GUCY1A2: variants seen among roughly 807,000 people sequenced by gnomAD.
The protein encoded by GUCY1A2 is guanylate cyclase soluble subunit alpha-2.
Under a neutral mutation model 63.5 loss-of-function variants are expected in GUCY1A2, and 27 were observed. The observed-to-expected ratio is 0.43, with a 90% CI of 0.31 to 0.59. GUCY1A2 has a LOEUF of 0.59. Among genes scored for constraint, GUCY1A2 ranks in the 20% least tolerant of loss-of-function variants. The pLI is 0.11. For missense variants in GUCY1A2, 768 were observed against 913.3 expected (o/e 0.84, Z 2.05); for synonymous variants, 364 against 343.5 (o/e 1.06, Z -0.66).
chr11:106,944,666 TTA>T (rs750724954), intron 3 of GUCY1A2, among the ~76,000 whole-genome samples: 12 of 152,186 alleles, frequency 7.9e-5, no homozygotes, highest in Non-Finnish European at 1.0e-4. Context: ...ATCTGTGAAT[TTA>T]TGTTTTAAAA....
At position 106,828,530 on chromosome 11, in the gene GUCY1A2, A is replaced by AT. The variant is rs542541374; in HGVS notation, c.1207-18053dup. On this transcript the variant is annotated intron_variant, in intron 4 of 7. Coordinates refer to ENST00000526355, the MANE Select transcript of GUCY1A2 (RefSeq NM_000855.3). ...TGCAGGTATGTGGCCTTATTTCAGA[A>AT]TTTTTTTATTTTAACAACACCTACA... Among the ~76,000 whole-genome samples the AT allele has an allele frequency of 4.1e-4, 62 of 152,168 alleles. 1 individual carries two copies. Among genetic ancestry groups the AT allele is most frequent in the Admixed American group, 3.5e-3 (53 of 15,292 alleles).
In GUCY1A2 at chr11:106,852,580, G is replaced by C. The variant is rs952303033; in HGVS notation, c.1207-42102C>G. 5.3e-5 allele frequency among the ~76,000 whole-genome samples: 8 copies of C among 152,042 alleles called. No homozygotes were observed. The East Asian group carries it at 1.3e-3, about 26-fold the overall frequency. On this transcript the variant is annotated intron_variant, in intron 4 of 7. Transcript: ENST00000526355. The stretch of plus-strand genomic sequence containing the variant: ...CTAGTAAAATGAACATTTGGCTTTT[G>C]TCCTTCATTCTATTGATGTAACATA...
Position 106,831,064 on chromosome 11 carries a change from G to A in GUCY1A2, c.1207-20586C>T, listed in dbSNP as rs78494748. 6.5e-3 allele frequency among the ~76,000 whole-genome samples: 994 copies of A among 152,160 alleles called. 11 individuals are homozygous for A. Among genetic ancestry groups the A allele is most frequent in the African/African-American group, 0.023 (966 of 41,522 alleles). On this transcript the variant is annotated intron_variant, in intron 4 of 7. Transcript: ENST00000526355. Reference sequence around the variant, plus strand: ...TAAAGCTTATATAGCTATAAGCATGGAATGCAGATTAAAAATACACCCTTA... The same window carrying A: ...TAAAGCTTATATAGCTATAAGCATGAAATGCAGATTAAAAATACACCCTTA...
Position 106,991,278 on chromosome 11 carries a change from G to A in GUCY1A2, c.304-5147C>T, listed in dbSNP as rs187487981. Among the ~76,000 whole-genome samples the A allele has an allele frequency of 7.2e-5, 11 of 152,194 alleles. No individual in the cohort carries two copies. The East Asian group carries it at 1.7e-3, about 24-fold the overall frequency. On this transcript the variant is annotated intron_variant, in intron 1 of 7. Coordinates refer to ENST00000526355, the MANE Select transcript of GUCY1A2 (RefSeq NM_000855.3). The stretch of plus-strand genomic sequence containing the variant: ...TTCTCAATGCGCTGGGATTACAGGC[G>A]TGAGCCACTGTGCCTGGCCATTATT...
At chr11:106,896,999 C>A (rs1860059551) in intron 4 of GUCY1A2, among the ~76,000 whole-genome samples, 1 of 152,046 alleles carries the variant, frequency 6.6e-6, no homozygotes, top group Non-Finnish European at 1.5e-5. Context: ...ATGATTATAG[C>A]AAAATTTCAG....
At chr11:106,746,173 C>CT (rs1336106198) in intron 6 of GUCY1A2, among the ~76,000 whole-genome samples, 7 of 151,684 alleles carry the variant, frequency 4.6e-5, no homozygotes, top group Non-Finnish European at 1.5e-5. Context: ...GCCTGGAGAG[C>CT]AGTAGCTCAT....
At chr11:106,718,540 C>G (rs1184677361) in intron 6 of GUCY1A2, among the ~76,000 whole-genome samples, 1 of 151,904 alleles carries the variant, frequency 6.6e-6, no homozygotes, top group East Asian at 1.9e-4. Flanking sequence ...TATTTAATAC[C>G]TGATAAGATA....
At chr11:106,762,607 A>G (rs1864085291) in intron 6 of GUCY1A2, among the ~76,000 whole-genome samples, 1 of 152,124 alleles carries the variant, frequency 6.6e-6, no homozygotes, top group Non-Finnish European at 1.5e-5. Context: ...TATTAAGTCA[A>G]TTTAATTCCT....
In GUCY1A2 at chr11:106,800,300, C is replaced by T. The variant is rs1333722867; in HGVS notation, c.1692+9693G>A. Among the ~76,000 whole-genome samples, 4 of 152,246 alleles carry T rather than the reference C, an allele frequency of 2.6e-5. No homozygotes were observed. In the East Asian group the frequency reaches 5.8e-4, roughly 22 times the overall value. On this transcript the variant is annotated intron_variant, in intron 5 of 7. Transcript: ENST00000526355. The stretch of plus-strand genomic sequence containing the variant: ...TTTACACTGTTGGTGGGACTGTAAA[C>T]TAGTTCAACCATCGTGGAAGACAGT...
chr11:106,745,098 G>A (rs1251973254), intron 6 of GUCY1A2, among the ~76,000 whole-genome samples: 1 of 152,068 alleles, frequency 6.6e-6, no homozygotes. Flanking sequence ...AGTTAACAAA[G>A]TACAGAAAAA....
chr11:106,716,550 G>A (rs1199028318), intron 6 of GUCY1A2, among the ~76,000 whole-genome samples: 1 of 151,860 alleles, frequency 6.6e-6, no homozygotes, highest in Non-Finnish European at 1.5e-5. Flanking sequence ...TGGGACTGAC[G>A]CCACCCCCAG....
intron 6 of GUCY1A2, among the ~76,000 whole-genome samples, chr11:106,747,558 A>C (rs998570972): frequency 2.6e-5 from 4 of 152,248 alleles, no homozygotes; most frequent in African/African-American, 9.6e-5. Flanking sequence ...TCAGTTGTAG[A>C]ACACATCCAG....
intron 1 of GUCY1A2, among the ~76,000 whole-genome samples, chr11:107,006,306 T>C (rs1565357894): frequency 6.6e-6 from 1 of 152,226 alleles, no homozygotes; most frequent in Non-Finnish European, 1.5e-5. Context: ...TTTTATTACA[T>C]ATTTACTCTT....
chr11:106,998,937 C>T (rs138919830), intron 1 of GUCY1A2, among the ~76,000 whole-genome samples: 70 of 152,268 alleles, frequency 4.6e-4, no homozygotes, highest in African/African-American at 1.4e-3. Flanking sequence ...AATTTACCGT[C>T]GCAAAGGAGA....
rs146269979 is a variant in GUCY1A2, at chr11:106,793,224, T to C, written c.1693-16642A>G. 7.5e-4 allele frequency among the ~76,000 whole-genome samples: 114 copies of C among 152,222 alleles called. No individual in the cohort carries two copies. In the East Asian group the frequency reaches 0.013, roughly 18 times the overall value. On this transcript the variant is annotated intron_variant, in intron 5 of 7. Transcript: ENST00000526355. ...TCCCAGAACTAAATCTACACAATCT[T>C]TTACAAGGGCACCAAGAAAACACAA... is the stretch of plus-strand genomic sequence containing the variant.
intron 4 of GUCY1A2, among the ~76,000 whole-genome samples, chr11:106,913,986 C>CAAAAA (rs11325847): frequency 3.9e-4 from 28 of 71,206 alleles, no homozygotes; most frequent in East Asian, 1.4e-3. Context: ...AATGAAAAAG[C>CAAAAA]AAAAAAAAAA....
chr11:106,921,385 T>A (rs986835896), intron 4 of GUCY1A2, among the ~76,000 whole-genome samples: 2 of 152,040 alleles, frequency 1.3e-5, no homozygotes, highest in African/African-American at 2.4e-5. Flanking sequence ...AGACATGTGA[T>A]CTTAAGACAA....
At chr11:106,830,339 T>C (rs1565303498) in intron 4 of GUCY1A2, among the ~76,000 whole-genome samples, 1 of 152,184 alleles carries the variant, frequency 6.6e-6, no homozygotes, top group Non-Finnish European at 1.5e-5. Flanking sequence ...TGGGTTCAAG[T>C]TGACAAGGGG....
intron 1 of GUCY1A2, among the ~76,000 whole-genome samples, chr11:106,999,259 C>G (rs1263832666): frequency 6.6e-6 from 1 of 152,028 alleles, no homozygotes; most frequent in African/African-American, 2.4e-5. Context: ...GGAATAAAGA[C>G]AGAGAGAGAG....
Sources: gnomAD v4.1 joint callset for allele counts (sites outside exome capture counted in the v4.1 genomes callset) on GRCh38, gnomAD v4.1.1 for gene constraint, MANE v1.5 for transcripts, NCBI Gene and HGNC (gene_info 2026-07-23, HGNC 2026-07-21) for gene names.